Variants in CFAP47 observed in about 807,000 individuals in gnomAD.
CFAP47 encodes cilia- and flagella-associated protein 47.
CFAP47 carries 29 observed loss-of-function variants against 148.1 expected under a neutral mutation model. The ratio of observed to expected loss-of-function variants is 0.20; its 90% CI spans 0.15 to 0.27. CFAP47 has a LOEUF of 0.27. Among genes scored for constraint, CFAP47 ranks in the 10% least tolerant of loss-of-function variants. The probability of loss-of-function intolerance (pLI) is 1.00; values close to 1 mark genes in which losing one functional copy is unlikely to be tolerated. For missense variants in CFAP47, 1,872 were observed against 1,697.5 expected (o/e 1.10, Z -1.81); for synonymous variants, 664 against 577.3 (o/e 1.15, Z -2.15).
chrX:35,977,816 T>C (rs939455034), intron 15 of CFAP47, among the ~76,000 whole-genome samples: 11 of 111,589 alleles, frequency 9.9e-5, no homozygotes, highest in East Asian at 5.6e-4. Context: ...ATTCACTTAA[T>C]TTTAGTGTGG....
chrX:36,138,496 C>T, intron 35 of CFAP47, 32 bp downstream of exon 35: 1 of 1,111,308 alleles, frequency 9.0e-7, no homozygotes, highest in Non-Finnish European at 1.2e-6. Flanking sequence ...ATTCTACAAA[C>T]ATTTTATAAA....
At chrX:36,092,564 C>T (rs1000399149) in intron 30 of CFAP47, among the ~76,000 whole-genome samples, 2 of 110,007 alleles carry the variant, frequency 1.8e-5, no homozygotes, top group African/African-American at 6.6e-5. Flanking sequence ...AAGAAAACAT[C>T]GTAGGCACAT....
chrX:36,294,857 C>T (rs1332049844), intron 51 of CFAP47, among the ~76,000 whole-genome samples: 2 of 111,882 alleles, frequency 1.8e-5, no homozygotes, highest in Non-Finnish European at 3.8e-5. Flanking sequence ...TTGCAAAATT[C>T]AATACAACTG....
intron 57 of CFAP47, among the ~76,000 whole-genome samples, chrX:36,321,687 CAA>C (rs1941480209): frequency 9.0e-6 from 1 of 111,084 alleles, no homozygotes; most frequent in Non-Finnish European, 1.9e-5. Context: ...AAAATTGAAA[CAA>C]AGATATATTC....
At chrX:36,113,075 G>A (rs772894907) in intron 33 of CFAP47, among the ~76,000 whole-genome samples, 3 of 111,704 alleles carry the variant, frequency 2.7e-5, no homozygotes, top group East Asian at 2.8e-4. Flanking sequence ...TAATTGGGGC[G>A]TATAGCCCTC....
At chrX:35,924,055 G>A (rs868305186) in intron 1 of CFAP47, among the ~76,000 whole-genome samples, 2 of 90,901 alleles carry the variant, frequency 2.2e-5, no homozygotes, top group African/African-American at 4.9e-5. Flanking sequence ...ATATGTACAT[G>A]TATGCGCACA....
At chrX:36,144,748 T>C in intron 35 of CFAP47, 1 of 1,025,688 alleles carries the variant, frequency 9.7e-7, no homozygotes, top group South Asian at 1.8e-5. Flanking sequence ...ATTTTTGTCG[T>C]GATCTCTTTC....
intron 57 of CFAP47, among the ~76,000 whole-genome samples, chrX:36,336,601 C>A (rs1181152696): frequency 1.8e-5 from 2 of 111,119 alleles, no homozygotes; most frequent in East Asian, 5.7e-4. Context: ...ATAAAATATT[C>A]ATCATTTATA....
intron 42 of CFAP47, among the ~76,000 whole-genome samples, chrX:36,196,893 A>G (rs185811156): frequency 2.8e-4 from 31 of 111,731 alleles, no homozygotes; most frequent in African/African-American, 1.0e-3. Flanking sequence ...TCCCTTGTCA[A>G]AGCTTCTAGA....
At position 35,919,868 on chromosome X, in the gene CFAP47, G is replaced by A. The variant is rs1730762285; in HGVS notation, c.69G>A (p.Arg23=). The change falls in exon 1 of 64, where the codon AGG becomes AGA. Residue 23 remains arginine (R), a synonymous_variant. Transcript: ENST00000378653. Reference sequence around the variant, plus strand: ...GTTCCCTCGCCATGAGCATCCAAAGGGGTTCCCTCGTCCCCCGGGATATGG... The same window carrying A: ...GTTCCCTCGCCATGAGCATCCAAAGAGGTTCCCTCGTCCCCCGGGATATGG... ...HRGSLAMSIQ[R]GSLVPRDMDS... is the part of the protein sequence containing the mutation. 1 of 1,208,103 alleles carries A rather than the reference G, an allele frequency of 8.3e-7. No individual in the cohort carries two copies. Among genetic ancestry groups the A allele is most frequent in the Non-Finnish European group, 1.1e-6 (1 of 894,462 alleles).
Position 35,951,285 on chromosome X carries a change from C to A in CFAP47, c.811C>A (p.Arg271Ser), listed in dbSNP as rs145872655. Residue 271 changes from arginine to serine, a missense_variant, in exon 5 of 64, where the codon CGT becomes AGT. Transcript: ENST00000378653. ...FFGSSKIKHA[R>S]VYNNSPEPIN... is the part of the protein sequence containing the mutation. ...CGGATCATCAAAAATTAAACATGCA[C>A]GTGTATACAATAATAGCCCAGAGCC... The A allele has an allele frequency of 2.1e-5, 25 of 1,208,060 alleles. No homozygotes were observed. Among genetic ancestry groups the A allele is most frequent in the Non-Finnish European group, 2.5e-5 (22 of 894,306 alleles).
At chrX:36,193,549 C>A (rs1939887687) in intron 42 of CFAP47, among the ~76,000 whole-genome samples, 1 of 111,032 alleles carries the variant, frequency 9.0e-6, no homozygotes, top group African/African-American at 3.3e-5. Flanking sequence ...ACAGGTAACA[C>A]CCCTGAATTC....
chrX:35,955,618 A>T lies in CFAP47; in HGVS notation c.1175-343A>T, dbSNP rs752446437. Among the ~76,000 whole-genome samples, 17 of 111,788 alleles carry T rather than the reference A, an allele frequency of 1.5e-4. 1 individual carries two copies. In the South Asian group the frequency reaches 6.4e-3, roughly 42 times the overall value. On this transcript the variant is annotated intron_variant, in intron 7 of 63. Coordinates refer to ENST00000378653, the MANE Select transcript of CFAP47 (RefSeq NM_001304548.2). ...TTTTGGACATCTCTACATAAAACAG[A>T]ATCCCCAAGACCTTGTACTCTGTCT...
intron 29 of CFAP47, among the ~76,000 whole-genome samples, chrX:36,081,250 A>G (rs752798957): frequency 8.9e-6 from 1 of 111,849 alleles, no homozygotes; most frequent in African/African-American, 3.2e-5. Context: ...AATTTAGAGA[A>G]TGTGGATAAA....
intron 20 of CFAP47, 98 bp from the exon 21 acceptor site, chrX:36,001,515 A>G: frequency 7.4e-6 from 2 of 271,456 alleles, no homozygotes; most frequent in Non-Finnish European, 1.3e-5. Flanking sequence ...GGTATTTAGA[A>G]CAATTCTTTA....
intron 2 of CFAP47, among the ~76,000 whole-genome samples, chrX:35,932,970 C>T (rs73466970): frequency 0.036 from 4,043 of 111,139 alleles, 183 homozygotes; most frequent in African/African-American, 0.12. Flanking sequence ...ATTTAAGGTT[C>T]ACATGAGATA....
At chrX:36,073,405 A>G in intron 29 of CFAP47, 41 bp downstream of exon 29, 1 of 854,703 alleles carries the variant, frequency 1.2e-6, no homozygotes, top group Non-Finnish European at 1.7e-6. Flanking sequence ...GCTTCATATC[A>G]CATCATAAAA....
chrX:36,118,268 T>C (rs1161365310), intron 33 of CFAP47, among the ~76,000 whole-genome samples: 1 of 111,525 alleles, frequency 9.0e-6, no homozygotes, highest in Non-Finnish European at 1.9e-5. Context: ...TTTTTCTTTT[T>C]ATTTGGAGAA....
At chrX:36,265,156 T>A (rs965892825) in intron 49 of CFAP47, among the ~76,000 whole-genome samples, 1 of 89,315 alleles carries the variant, frequency 1.1e-5, no homozygotes. Context: ...TAGTTTATAC[T>A]TTTTGTGCCT....
Sources: gnomAD v4.1 joint callset for allele counts (sites outside exome capture counted in the v4.1 genomes callset) on GRCh38, gnomAD v4.1.1 for gene constraint, MANE v1.5 for transcripts, NCBI Gene and HGNC (gene_info 2026-07-23, HGNC 2026-07-21) for gene names.